The following CADM1 variants were observed in gnomAD, a reference collection of about 807,000 sequenced individuals.
CADM1 encodes the protein cell adhesion molecule 1.
Under a neutral mutation model 53.1 loss-of-function variants are expected in CADM1, and 15 were observed. The observed-to-expected ratio is 0.28, with a 90% CI of 0.19 to 0.44. The LOEUF (loss-of-function observed/expected upper bound fraction) is 0.44, where lower values mean the gene tolerates loss of function less well. Ranked by LOEUF, CADM1 falls within the 20% of genes least tolerant of loss-of-function variation. The pLI, the probability that CADM1 is intolerant of heterozygous loss-of-function variation, is 1.00. For missense variants in CADM1, 434 were observed against 611.3 expected, an observed-to-expected ratio of 0.71 and a Z score of 3.06; for synonymous variants, 281 against 243.0, an observed-to-expected ratio of 1.16 and a Z score of -1.45.
At chr11:115,273,192 G>A (rs566673115) in intron 1 of CADM1, among the ~76,000 whole-genome samples, 156 of 152,328 alleles carry the variant, frequency 1.0e-3, no homozygotes, top group Non-Finnish European at 1.8e-3. Context: ...GTGACCTACT[G>A]TATGATGATA....
chr11:115,498,757 T>C (rs1949674276), intron 1 of CADM1, among the ~76,000 whole-genome samples: 1 of 152,202 alleles, frequency 6.6e-6, no homozygotes, highest in African/African-American at 2.4e-5. Flanking sequence ...ATTCGGTACA[T>C]CCAGGTGAGA....
chr11:115,350,357 G>C (rs1438536770), intron 1 of CADM1, among the ~76,000 whole-genome samples: 1 of 152,218 alleles, frequency 6.6e-6, no homozygotes, highest in African/African-American at 2.4e-5. Context: ...GATTCAGGAA[G>C]TATGTGAAAA....
intron 1 of CADM1, among the ~76,000 whole-genome samples, chr11:115,264,422 C>T (rs1486464396): frequency 1.3e-5 from 2 of 152,196 alleles, no homozygotes; most frequent in African/African-American, 4.8e-5. Flanking sequence ...TAATGGATGG[C>T]ACATTCAGTT....
intron 9 of CADM1, among the ~76,000 whole-genome samples, chr11:115,194,944 A>T (rs1440979441): frequency 6.6e-6 from 1 of 152,226 alleles, no homozygotes; most frequent in Non-Finnish European, 1.5e-5. Context: ...TCCGTGCGTT[A>T]AATCACTCAT....
At chr11:115,416,553 C>T (rs1947602220) in intron 1 of CADM1, among the ~76,000 whole-genome samples, 1 of 152,086 alleles carries the variant, frequency 6.6e-6, no homozygotes, top group African/African-American at 2.4e-5. Flanking sequence ...CATCTGGCAT[C>T]CTGGTATCCT....
chr11:115,367,587 G>A (rs1946197046), intron 1 of CADM1, among the ~76,000 whole-genome samples: 1 of 152,060 alleles, frequency 6.6e-6, no homozygotes, highest in Non-Finnish European at 1.5e-5. Context: ...GTCAACCACT[G>A]TTAGCATTTT....
At chr11:115,353,231 C>T (rs947044718) in intron 1 of CADM1, among the ~76,000 whole-genome samples, 2 of 152,084 alleles carry the variant, frequency 1.3e-5, no homozygotes, top group African/African-American at 4.8e-5. Context: ...GGGAAATCTT[C>T]TCTGTAATGT....
At chr11:115,192,642 A>G (rs1939936026) in intron 9 of CADM1, among the ~76,000 whole-genome samples, 2 of 152,238 alleles carry the variant, frequency 1.3e-5, no homozygotes, top group South Asian at 4.1e-4. Flanking sequence ...AGCGTCCTAC[A>G]TATGTGCTTG....
rs576444481 is a variant in CADM1 at position 115,202,235 on chromosome 11, T to G, written c.1079-3797A>C. On this transcript the variant is annotated intron_variant, in intron 8 of 11. Coordinates refer to ENST00000331581, the MANE Select transcript of CADM1 (RefSeq NM_001301043.2). The stretch of plus-strand genomic sequence containing the variant: ...GGAGAGGCAGCTGGGCAATATTTAG[T>G]TGAAACAGTCATGTGTAAGCTCCAC... 2.0e-5 allele frequency among the ~76,000 whole-genome samples: 3 copies of G among 152,114 alleles called. No homozygotes were observed. The East Asian group carries it at 5.8e-4, about 29-fold the overall frequency.
At chr11:115,422,891 G>A (rs1947794088) in intron 1 of CADM1, among the ~76,000 whole-genome samples, 1 of 152,074 alleles carries the variant, frequency 6.6e-6, no homozygotes, top group Admixed American at 6.6e-5. Context: ...TCAAGATTCT[G>A]TTTGTCAGAA....
In CADM1 at chr11:115,174,280, T is replaced by G; in HGVS notation, c.*2194A>C. The G allele has an allele frequency of 1.0e-6, 1 of 979,228 alleles. No individual in the cohort carries two copies. Among genetic ancestry groups the G allele is most frequent in the Non-Finnish European group, 1.2e-6 (1 of 826,904 alleles). The allele number at this position is 979,228 out of a possible 1,614,324, so 60.7% of individuals were successfully genotyped here. ...GCAATGGTGTGATTTTTTTTTTTTG[T>G]TTTTGTTTTTGTTTTTCTTTTTTTC... On this transcript the variant is annotated 3_prime_UTR_variant, in exon 12 of 12. Transcript: ENST00000331581.
chr11:115,254,333 A>C (rs1036675035), intron 1 of CADM1, among the ~76,000 whole-genome samples: 7 of 152,150 alleles, frequency 4.6e-5, no homozygotes, highest in Non-Finnish European at 8.8e-5. Context: ...TATCATCCAT[A>C]TCTCACACTA....
chr11:115,501,607 G>A (rs1949728296), intron 1 of CADM1, among the ~76,000 whole-genome samples: 1 of 152,182 alleles, frequency 6.6e-6, no homozygotes, highest in African/African-American at 2.4e-5. Context: ...AACATCACAG[G>A]AGAAATGAGA....
At chr11:115,394,751 C>G (rs1366556567) in intron 1 of CADM1, among the ~76,000 whole-genome samples, 1 of 152,116 alleles carries the variant, frequency 6.6e-6, no homozygotes, top group Non-Finnish European at 1.5e-5. Context: ...GTTTCTGAAA[C>G]AGGAGCTCTG....
intron 1 of CADM1, among the ~76,000 whole-genome samples, chr11:115,247,484 C>T (rs985677500): frequency 1.3e-5 from 2 of 152,214 alleles, no homozygotes; most frequent in Non-Finnish European, 2.9e-5. Flanking sequence ...CCTTCATCCA[C>T]CCTTTGAAAG....
intron 1 of CADM1, among the ~76,000 whole-genome samples, chr11:115,482,043 A>G (rs775787897): frequency 6.6e-6 from 1 of 152,174 alleles, no homozygotes; most frequent in Non-Finnish European, 1.5e-5. Flanking sequence ...GCTCCTTCAA[A>G]GGCTATTCCC....
intron 1 of CADM1, among the ~76,000 whole-genome samples, chr11:115,308,194 G>GTGTATATATATATATATATATATA (rs1944434433): frequency 8.1e-6 from 1 of 123,968 alleles, no homozygotes; most frequent in African/African-American, 3.0e-5. Context: ...TCATAGGTGT[G>GTGTATATATATATATATATATATA]TATATATATA....
At position 115,169,246 on chromosome 11, in the gene CADM1, C is replaced by CTTTTTTTTTTTTT. The variant is rs1377495098; in HGVS notation, c.*7227_*7228insAAAAAAAAAAAAA. ...TTTTTTTTTTTTTTTAAGGCATAGC[C>CTTTTTTTTTTTTT]TTTGTAACTGAAGCCAGATAGAGAG... On this transcript the variant is annotated 3_prime_UTR_variant, in exon 12 of 12. Coordinates refer to ENST00000331581, the MANE Select transcript of CADM1 (RefSeq NM_001301043.2). The CTTTTTTTTTTTTT allele has an allele frequency of 1.0e-5, 1 of 95,414 alleles. No individual in the cohort carries two copies. The highest frequency in any genetic ancestry group is 3.9e-5 in the African/African-American group (1 of 25,956). The allele number at this position is 95,414 out of a possible 1,614,324, so 5.9% of individuals were successfully genotyped here.
chr11:115,469,299 CAGGCATTGTTCTAAT>C (rs1257930180), intron 1 of CADM1, among the ~76,000 whole-genome samples: 1 of 152,148 alleles, frequency 6.6e-6, no homozygotes, highest in Non-Finnish European at 1.5e-5. Flanking sequence ...TTCTATGTCC[CAGGCATTGTTCTAAT>C]AGTTTTACAT....
Sources: gnomAD v4.1 joint callset for allele counts (sites outside exome capture counted in the v4.1 genomes callset) on GRCh38, gnomAD v4.1.1 for gene constraint, MANE v1.5 for transcripts, NCBI Gene and HGNC (gene_info 2026-07-23, HGNC 2026-07-21) for gene names.